The following KCTD8 variants were observed in gnomAD, a reference collection of about 807,000 sequenced individuals.
The protein encoded by KCTD8 is potassium channel tetramerization domain containing 8.
KCTD8 carries 27 observed loss-of-function variants against 31.5 expected under a neutral mutation model. The ratio of observed to expected loss-of-function variants is 0.86; its 90% confidence interval spans 0.63 to 1.18. The LOEUF is 1.18. Ranked by LOEUF, KCTD8 falls within the 50% of genes most tolerant of loss-of-function variation. The probability of loss-of-function intolerance (pLI) is 0.00; values close to 1 mark genes in which losing one functional copy is unlikely to be tolerated. For synonymous variants in KCTD8, 290 were observed against 280.0 expected (o/e 1.04, Z -0.36); for missense variants, 658 against 647.7 (o/e 1.02, Z -0.17).
intron 1 of KCTD8, among the ~76,000 whole-genome samples, chr4:44,419,076 GA>G (rs1169325761): frequency 1.3e-5 from 2 of 152,080 alleles, no homozygotes; most frequent in Admixed American, 1.3e-4. Context: ...TGGTAGCAGT[GA>G]AAACATAATT....
chr4:44,294,060 CAAAGGTTTAACG>C (rs1717360381), intron 1 of KCTD8, among the ~76,000 whole-genome samples: 1 of 151,852 alleles, frequency 6.6e-6, no homozygotes, highest in South Asian at 2.1e-4. Flanking sequence ...TTCATTTTGC[CAAAGGTTTAACG>C]AAATTGACAA....
intron 1 of KCTD8, among the ~76,000 whole-genome samples, chr4:44,177,425 T>C (rs990249916): frequency 2.6e-5 from 4 of 152,172 alleles, no homozygotes; most frequent in African/African-American, 9.7e-5. Flanking sequence ...GTTTTAGGCC[T>C]ACAGGTGTTG....
At chr4:44,210,137 T>A (rs1031432873) in intron 1 of KCTD8, among the ~76,000 whole-genome samples, 3 of 152,202 alleles carry the variant, frequency 2.0e-5, no homozygotes, top group African/African-American at 7.2e-5. Context: ...TATTCAACAG[T>A]TAACCATATC....
At position 44,448,563 on chromosome 4, in the gene KCTD8, A is replaced by AC; in HGVS notation, c.-41dup. 1 of 1,407,420 alleles carries AC rather than the reference A, an allele frequency of 7.1e-7. No homozygotes were observed. Among genetic ancestry groups the AC allele is most frequent in the South Asian group, 1.8e-5 (1 of 56,444 alleles). 87.2% of individuals were successfully genotyped at this position (1,407,420 alleles called of 1,614,324 possible). ...CGGCCCAGTGACCCGAGAGAGCTGC[A>AC]CTTTCTCGTTCCCGGAGCCCGCGCC... On this transcript the variant is annotated 5_prime_UTR_variant, in exon 1 of 2. Coordinates refer to ENST00000360029, the MANE Select transcript of KCTD8 (RefSeq NM_198353.3). The surrounding 1 kb of genome is among the most constrained non-coding windows in gnomAD (Gnocchi z 4.1).
chr4:44,191,357 G>A (rs1024798529), intron 1 of KCTD8, among the ~76,000 whole-genome samples: 11 of 152,088 alleles, frequency 7.2e-5, no homozygotes, highest in African/African-American at 2.7e-4. Context: ...TGAAATCAGT[G>A]CAACTTGAAA....
chr4:44,442,774 T>TACACACGTATACACACAC (rs10938342), intron 1 of KCTD8, among the ~76,000 whole-genome samples: 30,224 of 147,064 alleles, frequency 0.21, 3,637 homozygotes, highest in African/African-American at 0.33. Context: ...AACTAAGGTA[T>TACACACGTATACACACAC]ACACACACAC....
chr4:44,322,453 T>A (rs955555970), intron 1 of KCTD8, among the ~76,000 whole-genome samples: 2 of 152,094 alleles, frequency 1.3e-5, no homozygotes, highest in African/African-American at 4.8e-5. Flanking sequence ...TTTGGTTTAT[T>A]GCTTTTGAGT....
chr4:44,265,714 G>A (rs1716327919), intron 1 of KCTD8, among the ~76,000 whole-genome samples: 2 of 152,160 alleles, frequency 1.3e-5, no homozygotes, highest in South Asian at 4.1e-4. Flanking sequence ...TGATGGAGCT[G>A]AAAGCCAAGG....
chr4:44,347,479 A>G (rs978596675), intron 1 of KCTD8, among the ~76,000 whole-genome samples: 2 of 152,226 alleles, frequency 1.3e-5, no homozygotes, highest in African/African-American at 4.8e-5. Context: ...TCCAACCACC[A>G]TCTTTAACAT....
At chr4:44,317,228 C>CTTTTTTTT (rs760060899) in intron 1 of KCTD8, among the ~76,000 whole-genome samples, 606 of 36,524 alleles carry the variant, frequency 0.017, 162 homozygotes, top group East Asian at 0.022. Flanking sequence ...TGGGTGCTTT[C>CTTTTTTTT]TTTTTTTTTT....
intron 1 of KCTD8, among the ~76,000 whole-genome samples, chr4:44,363,598 T>C (rs1483461073): frequency 6.6e-6 from 1 of 152,168 alleles, no homozygotes; most frequent in Non-Finnish European, 1.5e-5. Flanking sequence ...TTGAGAGTAG[T>C]CCTTTATGTG....
intron 1 of KCTD8, among the ~76,000 whole-genome samples, chr4:44,323,289 T>A (rs1457000327): frequency 6.6e-6 from 1 of 151,644 alleles, no homozygotes; most frequent in African/African-American, 2.4e-5. Flanking sequence ...AGGTCAGGAG[T>A]TCGAGACCAG....
chr4:44,402,350 T>C (rs1720686428), intron 1 of KCTD8, among the ~76,000 whole-genome samples: 1 of 152,192 alleles, frequency 6.6e-6, no homozygotes, highest in Non-Finnish European at 1.5e-5. Flanking sequence ...TCCAAGAAGC[T>C]ACTTCTTCTT....
chr4:44,223,643 T>C (rs1055671752), intron 1 of KCTD8, among the ~76,000 whole-genome samples: 1 of 152,192 alleles, frequency 6.6e-6, no homozygotes, highest in Admixed American at 6.5e-5. Context: ...GTAAAAGGTA[T>C]GTCAATTATT....
chr4:44,343,063 TTTCC>T (rs1718947215), intron 1 of KCTD8, among the ~76,000 whole-genome samples: 1 of 152,248 alleles, frequency 6.6e-6, no homozygotes, highest in East Asian at 1.9e-4. Context: ...GCACTTTTAC[TTTCC>T]TTCAAGAATT....
At chr4:44,300,938 T>C (rs1396580528) in intron 1 of KCTD8, among the ~76,000 whole-genome samples, 2 of 143,238 alleles carry the variant, frequency 1.4e-5, no homozygotes, top group Non-Finnish European at 3.0e-5. Context: ...CATTGTTCAA[T>C]TCCCATCTAT....
intron 1 of KCTD8, among the ~76,000 whole-genome samples, chr4:44,236,413 C>T (rs748860041): frequency 7.2e-5 from 11 of 152,212 alleles, no homozygotes; most frequent in Middle Eastern, 3.4e-3. Flanking sequence ...CAACAAGAGT[C>T]AGATGAGGAG....
At chr4:44,394,646 T>C (rs1365041779) in intron 1 of KCTD8, among the ~76,000 whole-genome samples, 1 of 152,040 alleles carries the variant, frequency 6.6e-6, no homozygotes, top group African/African-American at 2.4e-5. Flanking sequence ...ATCGGATAAT[T>C]TGACCCACAC....
chr4:44,414,734 A>G (rs188459759), intron 1 of KCTD8, among the ~76,000 whole-genome samples: 5 of 152,192 alleles, frequency 3.3e-5, no homozygotes, highest in African/African-American at 1.2e-4. Context: ...TCCCCTCAAA[A>G]TCTCATATTG....
Sources: gnomAD v4.1 joint callset for allele counts (sites outside exome capture counted in the v4.1 genomes callset) on GRCh38, gnomAD v4.1.1 for gene constraint, Gnocchi (gnomAD v3.1) non-coding constraint, MANE v1.5 for transcripts, NCBI Gene and HGNC (gene_info 2026-07-23, HGNC 2026-07-21) for gene names.